TSPAN9: variants seen among roughly 807,000 people sequenced by gnomAD.
The protein encoded by TSPAN9 is tetraspanin 9.
In TSPAN9, 16 loss-of-function variants were observed where a neutral mutation model predicts 31.0. The ratio of observed to expected loss-of-function variants is 0.52; its 90% CI spans 0.35 to 0.78. The LOEUF (loss-of-function observed/expected upper bound fraction) is 0.78, where lower values mean the gene tolerates loss of function less well. Among genes scored for constraint, TSPAN9 ranks in the 30% least tolerant of loss-of-function variants. TSPAN9 has a pLI of 0.01. For missense variants in TSPAN9, 272 were observed against 312.5 expected (o/e 0.87, Z 0.98); for synonymous variants, 145 against 121.6 (o/e 1.19, Z -1.27).
At chr12:3,126,110 T>C (rs1295852333) in intron 2 of TSPAN9, among the ~76,000 whole-genome samples, 1 of 152,246 alleles carries the variant, frequency 6.6e-6, no homozygotes, top group Non-Finnish European at 1.5e-5. Flanking sequence ...TGAACACTTC[T>C]CTTAACCTTT....
At chr12:3,270,469 T>C (rs1409858077) in intron 3 of TSPAN9, among the ~76,000 whole-genome samples, 2 of 152,304 alleles carry the variant, frequency 1.3e-5, no homozygotes, top group Middle Eastern at 3.4e-3. Flanking sequence ...CCGGAACAGA[T>C]TCAGGTTCTC....
Position 3,280,147 on chromosome 12 carries a change from G to A in TSPAN9, c.331-235G>A, listed in dbSNP as rs563657129. Among the ~76,000 whole-genome samples, 2 of 152,180 alleles carry A rather than the reference G, an allele frequency of 1.3e-5. No individual in the cohort carries two copies. The highest frequency in any genetic ancestry group is 4.2e-4 in the South Asian group (2 of 4,816). On this transcript the variant is annotated intron_variant, in intron 5 of 8. Coordinates refer to ENST00000011898, the MANE Select transcript of TSPAN9 (RefSeq NM_006675.5). This position sits in a 1 kb window ranked among gnomAD's most constrained non-coding sequence, Gnocchi z 4.5. ...CCTGAGTTTAGCTCTGCCGGGAGGC[G>A]GTGGGTGCACCAGGGCCTGCTGTAT...
intron 2 of TSPAN9, among the ~76,000 whole-genome samples, chr12:3,150,247 T>C (rs2098339142): frequency 6.6e-6 from 1 of 152,206 alleles, no homozygotes; most frequent in Non-Finnish European, 1.5e-5. Context: ...AATACCCTTT[T>C]TATGTGTATT....
intron 3 of TSPAN9, among the ~76,000 whole-genome samples, chr12:3,252,549 T>A (rs932106866): frequency 6.6e-5 from 10 of 152,222 alleles, no homozygotes; most frequent in African/African-American, 2.4e-4. Flanking sequence ...CCCCTCCTAC[T>A]GTACACATGC....
At chr12:3,154,741 A>G (rs1205405927) in intron 2 of TSPAN9, among the ~76,000 whole-genome samples, 1 of 152,186 alleles carries the variant, frequency 6.6e-6, no homozygotes, top group Non-Finnish European at 1.5e-5. Flanking sequence ...TTTTAAGTAA[A>G]TACTTAGCCT....
intron 2 of TSPAN9, among the ~76,000 whole-genome samples, chr12:3,099,290 A>C (rs1269202604): frequency 6.6e-6 from 1 of 152,178 alleles, no homozygotes; most frequent in East Asian, 1.9e-4. Context: ...GATCTTCTGC[A>C]GTGGGTAATC....
rs77271052 is a variant in TSPAN9 at position 3,275,519 on chromosome 12, G to A, written c.64-2902G>A. Reference sequence around the variant, plus strand: ...GATTAATGAAAGAAAAATTGAGACGGCAGCATAGAAACTGACCAGATTGAA... The same window carrying A: ...GATTAATGAAAGAAAAATTGAGACGACAGCATAGAAACTGACCAGATTGAA... On this transcript the variant is annotated intron_variant, in intron 3 of 8. Transcript: ENST00000011898. Among the ~76,000 whole-genome samples, 13 of 152,386 alleles carry A rather than the reference G, an allele frequency of 8.5e-5. No individual in the cohort carries two copies. The East Asian group carries it at 1.9e-3, about 23-fold the overall frequency.
chr12:3,117,988 G>A (rs896983484), intron 2 of TSPAN9, among the ~76,000 whole-genome samples: 1 of 152,110 alleles, frequency 6.6e-6, no homozygotes, highest in Non-Finnish European at 1.5e-5. Flanking sequence ...GGCAGTGCAG[G>A]GAGGTGGTTA....
intron 3 of TSPAN9, among the ~76,000 whole-genome samples, chr12:3,270,252 C>T (rs1862648738): frequency 6.6e-6 from 1 of 152,170 alleles, no homozygotes; most frequent in Admixed American, 6.5e-5. Context: ...GTCAGGTGGC[C>T]TGGGGATGGG....
At chr12:3,151,292 C>T (rs533075823) in intron 2 of TSPAN9, 92 of 152,456 alleles carry the variant, frequency 6.0e-4, no homozygotes, top group African/African-American at 2.1e-3. Flanking sequence ...ATTTCTTAGG[C>T]GGATTTTCTG....
chr12:3,174,684 G>A (rs190469036), intron 2 of TSPAN9, among the ~76,000 whole-genome samples: 13,602 of 151,872 alleles, frequency 0.09, 701 homozygotes, highest in Middle Eastern at 0.14. Flanking sequence ...CCGGGTTCGC[G>A]CCATTCTCCT....
At chr12:3,148,867 A>G (rs552376220) in intron 2 of TSPAN9, among the ~76,000 whole-genome samples, 21 of 152,080 alleles carry the variant, frequency 1.4e-4, no homozygotes, top group Non-Finnish European at 2.4e-4. Context: ...GTCACGTCCA[A>G]GGCTGGGTGG....
intron 3 of TSPAN9, among the ~76,000 whole-genome samples, chr12:3,244,673 C>A (rs1311603360): frequency 2.0e-5 from 3 of 152,232 alleles, no homozygotes; most frequent in South Asian, 2.1e-4. Flanking sequence ...CAGCCACCCC[C>A]CTAAAGGGGA....
chr12:3,102,069 T>A lies in TSPAN9; in HGVS notation c.-18+18350T>A, dbSNP rs538611513. ...GTAGAGGCTCAGTTAGTAGTGGTGC[T>A]GGCAGAACTCTTGAGAGAATCTTGC... On this transcript the variant is annotated intron_variant, in intron 2 of 8. Transcript: ENST00000011898. 3.3e-5 allele frequency among the ~76,000 whole-genome samples: 5 copies of A among 152,314 alleles called. No individual in the cohort carries two copies. In the South Asian group the frequency reaches 1.0e-3, roughly 32 times the overall value.
chr12:3,186,453 A>G (rs2098361358), intron 2 of TSPAN9, among the ~76,000 whole-genome samples: 1 of 152,138 alleles, frequency 6.6e-6, no homozygotes, highest in Non-Finnish European at 1.5e-5. Flanking sequence ...AGAATGTTCC[A>G]GGCAGAGGGG....
chr12:3,188,752 A>C (rs2098362825), intron 2 of TSPAN9, among the ~76,000 whole-genome samples: 1 of 152,126 alleles, frequency 6.6e-6, no homozygotes, highest in African/African-American at 2.4e-5. Context: ...GTTTCTGTAG[A>C]TGGCTGGATC....
intron 2 of TSPAN9, among the ~76,000 whole-genome samples, chr12:3,181,580 T>G (rs1045513501): frequency 6.6e-6 from 1 of 152,046 alleles, no homozygotes; most frequent in African/African-American, 2.4e-5. Context: ...GGGAGGAGAT[T>G]GGACATAAGT....
chr12:3,134,679 C>T (rs887722000), intron 2 of TSPAN9, among the ~76,000 whole-genome samples: 11 of 152,168 alleles, frequency 7.2e-5, no homozygotes, highest in Non-Finnish European at 1.5e-4. Flanking sequence ...CGCCCAACTT[C>T]TGAGACAGAA....
At chr12:3,166,764 C>A (rs965672962) in intron 2 of TSPAN9, among the ~76,000 whole-genome samples, 1 of 152,146 alleles carries the variant, frequency 6.6e-6, no homozygotes, top group African/African-American at 2.4e-5. Context: ...AACCTGATCT[C>A]TAACAGCATA....
Sources: gnomAD v4.1 joint callset for allele counts (sites outside exome capture counted in the v4.1 genomes callset) on GRCh38, gnomAD v4.1.1 for gene constraint, Gnocchi (gnomAD v3.1) non-coding constraint, MANE v1.5 for transcripts, NCBI Gene and HGNC (gene_info 2026-07-23, HGNC 2026-07-21) for gene names.